Variants in CRYGN observed in about 807,000 individuals in gnomAD.
CRYGN encodes gamma-crystallin N.
Under a neutral mutation model 19.2 loss-of-function variants are expected in CRYGN, and 17 were observed. That is an observed-to-expected ratio of 0.89 (90% CI 0.61 to 1.33). CRYGN has a LOEUF of 1.33. Ranked by LOEUF, CRYGN falls within the 40% of genes most tolerant of loss-of-function variation. The probability of loss-of-function intolerance (pLI) is 0.00; values close to 1 mark genes in which losing one functional copy is unlikely to be tolerated. For missense variants in CRYGN, 239 were observed against 239.6 expected (o/e 1.00, Z 0.02); for synonymous variants, 84 against 85.8 (o/e 0.98, Z 0.12).
rs1327588026 is a variant in CRYGN at position 151,430,805 on chromosome 7, G to A, written c.417-625C>T. Among the ~76,000 whole-genome samples, 4 of 152,164 alleles carry A rather than the reference G, an allele frequency of 2.6e-5. No homozygotes were observed. The highest frequency in any genetic ancestry group is 1.9e-4 in the East Asian group (1 of 5,188). ...GTAAGATGTATGGTGAGGAGGACCC[G>A]GGAACTGAGAGGCCAGTCGGGAGCC... On this transcript the variant is annotated intron_variant, in intron 3 of 3. Transcript: ENST00000337323. This position sits in a 1 kb window ranked among gnomAD's most constrained non-coding sequence, Gnocchi z 5.2.
rs149371377 is a variant in CRYGN at position 151,430,639 on chromosome 7, C to T, written c.417-459G>A. On this transcript the variant is annotated intron_variant, in intron 3 of 3. Transcript: ENST00000337323. This position sits in a 1 kb window ranked among gnomAD's most constrained non-coding sequence, Gnocchi z 5.2. ...AGCTCCCTGCCGTACTCCATCACCC[C>T]CTAGGCCTGTCGGGGTGTCTCAGTT... Among the ~76,000 whole-genome samples the T allele has an allele frequency of 6.6e-6, 1 of 152,206 alleles. No individual in the cohort carries two copies. Among genetic ancestry groups the T allele is most frequent in the African/African-American group, 2.4e-5 (1 of 41,436 alleles).
chr7:151,433,610 T>C lies in CRYGN; in HGVS notation c.416+2570A>G, dbSNP rs959481044. The C allele has an allele frequency of 6.5e-6, 1 of 154,974 alleles. No individual in the cohort carries two copies. Among genetic ancestry groups the C allele is most frequent in the Non-Finnish European group, 1.5e-5 (1 of 68,362 alleles). The allele number at this position is 154,974 out of a possible 1,614,324, so 9.6% of individuals were successfully genotyped here. ...CCCACCCTCATGGCCCCCGTATCCA[T>C]GCCCCTCCACACCTACAGCTTTCCA... On this transcript the variant is annotated intron_variant, in intron 3 of 3. Transcript: ENST00000337323. This position sits in a 1 kb window ranked among gnomAD's most constrained non-coding sequence, Gnocchi z 5.1.
At position 151,438,008 on chromosome 7, in the gene CRYGN, C is replaced by T. The variant is rs751240121; in HGVS notation, c.258G>A (p.Arg86=). ...CGGGCCCACTCACCATTCCTACAGG[C>T]CGACAGGAGCCCATGTGGTCACTGT... ...NSHSDHMGSC[R]PVGMHGEHFR... Residue 86 remains arginine, a synonymous_variant, in exon 2 of 4, where the codon CGG becomes CGA. Transcript: ENST00000337323. 1.9e-6 allele frequency: 3 copies of T among 1,613,340 alleles called. No individual in the cohort carries two copies. The highest frequency in any genetic ancestry group is 2.5e-6 in the Non-Finnish European group (3 of 1,180,036).
At position 151,435,202 on chromosome 7, in the gene CRYGN, C is replaced by T. The variant is rs909862338; in HGVS notation, c.416+978G>A. Among the ~76,000 whole-genome samples, 2 of 152,146 alleles carry T rather than the reference C, an allele frequency of 1.3e-5. No individual in the cohort carries two copies. Among genetic ancestry groups the T allele is most frequent in the Admixed American group, 6.5e-5 (1 of 15,268 alleles). ...ATTGTTCCTCAATTGCTTCGATAGG[C>T]GCCAGAACCATGCACAGCCAGCTGG... On this transcript the variant is annotated intron_variant, in intron 3 of 3. Transcript: ENST00000337323. This position sits in a 1 kb window ranked among gnomAD's most constrained non-coding sequence, Gnocchi z 4.2.
In CRYGN at chr7:151,435,448, A is replaced by G. The variant is rs1378988279; in HGVS notation, c.416+732T>C. Among the ~76,000 whole-genome samples the G allele has an allele frequency of 2.6e-5, 4 of 152,190 alleles. No individual in the cohort carries two copies. Among genetic ancestry groups the G allele is most frequent in the Non-Finnish European group, 5.9e-5 (4 of 68,028 alleles). Reference sequence around the variant, plus strand: ...GGTGTGGGCTGGACAATGAAAATACATGGCCAACTTGAAGGTGCTCAGAGG... The same window carrying G: ...GGTGTGGGCTGGACAATGAAAATACGTGGCCAACTTGAAGGTGCTCAGAGG... On this transcript the variant is annotated intron_variant, in intron 3 of 3. Coordinates refer to ENST00000337323, the MANE Select transcript of CRYGN (RefSeq NM_144727.3). This position sits in a 1 kb window ranked among gnomAD's most constrained non-coding sequence, Gnocchi z 4.2.
intron 3 of CRYGN, among the ~76,000 whole-genome samples, chr7:151,432,752 C>T (rs770808739): frequency 9.2e-5 from 14 of 152,118 alleles, no homozygotes; most frequent in Non-Finnish European, 1.6e-4. Flanking sequence ...TGCAGTGAGC[C>T]GAGATTGCGC....
In CRYGN at chr7:151,430,215, G is replaced by A. The variant is rs527289761; in HGVS notation, c.417-35C>T. The A allele has an allele frequency of 3.1e-6, 5 of 1,611,500 alleles. No homozygotes were observed. Among genetic ancestry groups the A allele is most frequent in the Non-Finnish European group, 4.2e-6 (5 of 1,179,108 alleles). On this transcript the variant is annotated intron_variant, in intron 3 of 3. Transcript: ENST00000337323. This position sits in a 1 kb window ranked among gnomAD's most constrained non-coding sequence, Gnocchi z 5.2. ...GCAGGTGAAAGGAGGTGGGGCCAGG[G>A]CATTAGGGGTACAGAGCAGGCCTTT...
chr7:151,432,902 G>A lies in CRYGN; in HGVS notation c.417-2722C>T, dbSNP rs115777068. ...TGGGGGGCCTGGCACAGAGGGCACC[G>A]TTCATTCAGTGAATGCCAGCAGGTT... On this transcript the variant is annotated intron_variant, in intron 3 of 3. Transcript: ENST00000337323. Among the ~76,000 whole-genome samples, 1,136 of 152,252 alleles carry A rather than the reference G, an allele frequency of 7.5e-3. 11 individuals carry two copies. Among genetic ancestry groups the A allele is most frequent in the African/African-American group, 0.025 (1,056 of 41,548 alleles).
intron 2 of CRYGN, among the ~76,000 whole-genome samples, chr7:151,437,183 G>A (rs1364176415): frequency 6.6e-6 from 1 of 152,202 alleles, no homozygotes; most frequent in Non-Finnish European, 1.5e-5. Flanking sequence ...AGAAAAGAGA[G>A]GGGGCACCAC....
intron 1 of CRYGN, among the ~76,000 whole-genome samples, chr7:151,438,640 A>C (rs751039889): frequency 6.6e-6 from 1 of 152,246 alleles, no homozygotes; most frequent in Admixed American, 6.5e-5. Context: ...AGGTGTTTTC[A>C]AAAGAAGAAA....
In CRYGN at chr7:151,440,085, T is replaced by C; in HGVS notation, c.-168A>G. ...CGGTTGGGACCCGCCGCGGCCACCC[T>C]GTGCCACCGCGAGTGCAGCCCGCCC... On this transcript the variant is annotated 5_prime_UTR_variant, in exon 1 of 4. Coordinates refer to ENST00000337323, the MANE Select transcript of CRYGN (RefSeq NM_144727.3). The C allele has an allele frequency of 7.3e-7, 1 of 1,360,748 alleles. No homozygotes were observed. Among genetic ancestry groups the C allele is most frequent in the Non-Finnish European group, 9.4e-7 (1 of 1,061,200 alleles). The allele number at this position is 1,360,748 out of a possible 1,614,324, so 84.3% of individuals were successfully genotyped here.
At position 151,430,844 on chromosome 7, in the gene CRYGN, G is replaced by T. The variant is rs1369543010; in HGVS notation, c.417-664C>A. On this transcript the variant is annotated intron_variant, in intron 3 of 3. Coordinates refer to ENST00000337323, the MANE Select transcript of CRYGN (RefSeq NM_144727.3). The surrounding 1 kb of genome is among the most constrained non-coding windows in gnomAD (Gnocchi z 5.2). ...CAGTCGGGAGCCAGTTGGTTGGGGG[G>T]ACTCTGGGATCGCAGTCGGGGATTA... Among the ~76,000 whole-genome samples, 1 of 152,208 alleles carries T rather than the reference G, an allele frequency of 6.6e-6. No homozygotes were observed. Among genetic ancestry groups the T allele is most frequent in the Non-Finnish European group, 1.5e-5 (1 of 68,046 alleles).
Position 151,433,056 on chromosome 7 carries a change from G to A in CRYGN, c.417-2876C>T, listed in dbSNP as rs1801509435. On this transcript the variant is annotated intron_variant, in intron 3 of 3. Transcript: ENST00000337323. The surrounding 1 kb of genome is among the most constrained non-coding windows in gnomAD (Gnocchi z 5.1). ...ATGGGCTGTGGGGGTGCAGTTGCAT[G>A]GAGGAGCCTGCAGGGCACAGAGGAG... 6.6e-6 allele frequency among the ~76,000 whole-genome samples: 1 copy of A among 152,240 alleles called. No homozygotes were observed. The highest frequency in any genetic ancestry group is 2.4e-5 in the African/African-American group (1 of 41,464).
Position 151,430,123 on chromosome 7 carries a change from T to C in CRYGN, c.474A>G (p.Gln158=). 2 of 1,609,272 alleles carry C rather than the reference T, an allele frequency of 1.2e-6. No homozygotes were observed. The highest frequency in any genetic ancestry group is 1.3e-5 in the African/African-American group (1 of 74,916). ...TGGCCTCTTCCGGTCCTTGATCTGA[T>C]TGAAGAGAGCTGCTCAGCTGGAAGT... ...AEDFQLSSSL[Q]SDQGPEEATT... is the part of the protein sequence containing the mutation. Residue 158 remains glutamine, a synonymous_variant, in exon 4 of 4, where the codon CAA becomes CAG. Coordinates refer to ENST00000337323, the MANE Select transcript of CRYGN (RefSeq NM_144727.3). This position sits in a 1 kb window ranked among gnomAD's most constrained non-coding sequence, Gnocchi z 5.2.
rs1403623937 is a variant in CRYGN at position 151,439,892 on chromosome 7, C to G, written c.21+5G>C. Reference sequence around the variant, plus strand: ...GGTTTCCTTGGGGTTGAGGGACGCACTCACCTTCCCCGAGCGCTGCGCCAT... The same window carrying G: ...GGTTTCCTTGGGGTTGAGGGACGCAGTCACCTTCCCCGAGCGCTGCGCCAT... On this transcript the variant is annotated splice_donor_5th_base_variant and intron_variant, in intron 1 of 3. Coordinates refer to ENST00000337323, the MANE Select transcript of CRYGN (RefSeq NM_144727.3). 1.3e-6 allele frequency: 2 copies of G among 1,556,830 alleles called. No individual in the cohort carries two copies.
Position 151,433,336 on chromosome 7 carries a change from T to TA in CRYGN, c.416+2843dup, listed in dbSNP as rs1215270763. On this transcript the variant is annotated intron_variant, in intron 3 of 3. Coordinates refer to ENST00000337323, the MANE Select transcript of CRYGN (RefSeq NM_144727.3). This position sits in a 1 kb window ranked among gnomAD's most constrained non-coding sequence, Gnocchi z 5.1. ...GGAGGAAGGGACTGGAGGTCCAGGA[T>TA]AGTGGCCTTTGCCTGGAAAGGGGCA... 6.6e-6 allele frequency among the ~76,000 whole-genome samples: 1 copy of TA among 152,098 alleles called. No individual in the cohort carries two copies. The highest frequency in any genetic ancestry group is 1.5e-5 in the Non-Finnish European group (1 of 68,000).
In CRYGN at chr7:151,430,345, T is replaced by G. The variant is rs1358148994; in HGVS notation, c.417-165A>C. On this transcript the variant is annotated intron_variant, in intron 3 of 3. Transcript: ENST00000337323. The surrounding 1 kb of genome is among the most constrained non-coding windows in gnomAD (Gnocchi z 5.2). ...TGTCTTCATTTGGCCTCGGCTGTCA[T>G]GGGACAGCCTACGGGGGTCCCACAG... 6.6e-6 allele frequency among the ~76,000 whole-genome samples: 1 copy of G among 152,100 alleles called. No individual in the cohort carries two copies. Among genetic ancestry groups the G allele is most frequent in the Non-Finnish European group, 1.5e-5 (1 of 68,018 alleles).
chr7:151,430,061 G>T lies in CRYGN; in HGVS notation c.536C>A (p.Thr179Asn), dbSNP rs1801428395. Residue 179 changes from threonine (T) to asparagine (N), a missense_variant, in exon 4 of 4, where the codon ACT becomes AAT. Physicochemically the swap from Thr to Asn is moderately conservative, Grantham distance 65 (BLOSUM62 0). Coordinates refer to ENST00000337323, the MANE Select transcript of CRYGN (RefSeq NM_144727.3). This position sits in a 1 kb window ranked among gnomAD's most constrained non-coding sequence, Gnocchi z 5.2. ...TCGGTTCCAGGCTCAGAGGTTTGCAGTCAGGAAAGGTGGCTGGGTTGTTGC... is the reference window on the plus strand; with the variant it reads ...TCGGTTCCAGGCTCAGAGGTTTGCATTCAGGAAAGGTGGCTGGGTTGTTGC... Reference protein sequence around the residue: ...KPATTQPPFLTANL With the variant: ...KPATTQPPFLNANL 2 of 1,181,110 alleles carry T rather than the reference G, an allele frequency of 1.7e-6. No homozygotes were observed. The highest frequency in any genetic ancestry group is 1.5e-5 in the African/African-American group (1 of 66,624). 73.2% of individuals were successfully genotyped at this position (1,181,110 alleles called of 1,614,324 possible). A position where few individuals can be genotyped will look rare whatever the true frequency, so the allele number is the denominator to read the frequency against.
At position 151,438,091 on chromosome 7, in the gene CRYGN, C is replaced by T; in HGVS notation, c.175G>A (p.Gly59Ser). ...WVCFNHPDFR[G>S]QQFILEHGDY... ...CCGTGCTCCAAGATGAACTGCTGGC[C>T]CCGGAAGTCGGGGTGATTGAAGCAG... The change falls in exon 2 of 4, where the codon GGC becomes AGC. Residue 59 changes from glycine to serine, a missense_variant. Gly to Ser is a moderately conservative substitution (Grantham distance 56, BLOSUM62 0). Coordinates refer to ENST00000337323, the MANE Select transcript of CRYGN (RefSeq NM_144727.3). 6.2e-7 allele frequency: 1 copy of T among 1,613,074 alleles called. No individual in the cohort carries two copies. Among genetic ancestry groups the T allele is most frequent in the Non-Finnish European group, 8.5e-7 (1 of 1,179,008 alleles).
Sources: gnomAD v4.1 joint callset for allele counts (sites outside exome capture counted in the v4.1 genomes callset) on GRCh38, gnomAD v4.1.1 for gene constraint, Gnocchi (gnomAD v3.1) non-coding constraint, MANE v1.5 for transcripts, NCBI Gene and HGNC (gene_info 2026-07-23, HGNC 2026-07-21) for gene names.